The following MTA3 variants were observed in gnomAD, a reference collection of about 807,000 sequenced individuals.
MTA3 encodes the protein metastasis associated 1 family member 3.
In MTA3, 34 loss-of-function variants were observed where a neutral mutation model predicts 83.5. That is an observed-to-expected ratio of 0.41 (90% CI 0.31 to 0.54). The LOEUF (loss-of-function observed/expected upper bound fraction) is 0.54. MTA3 is among the 20% of genes least tolerant of loss of function. The pLI is 0.33. For missense variants in MTA3, 761 were observed against 726.4 expected (o/e 1.05, Z -0.55); for synonymous variants, 303 against 252.7 (o/e 1.20, Z -1.89).
intron 2 of MTA3, among the ~76,000 whole-genome samples, chr2:42,532,376 G>A (rs1358170022): frequency 6.6e-6 from 1 of 152,140 alleles, no homozygotes; most frequent in Non-Finnish European, 1.5e-5. Flanking sequence ...CAGGTGTCAT[G>A]GCGGGTGACT....
intron 3 of MTA3, among the ~76,000 whole-genome samples, chr2:42,600,154 C>T (rs1184953074): frequency 2.0e-5 from 3 of 152,048 alleles, no homozygotes; most frequent in Non-Finnish European, 2.9e-5. Context: ...GCCAAGGTCG[C>T]GCCACTGCAC....
chr2:42,747,146 C>G, intron 16 of MTA3, among the ~76,000 whole-genome samples: 1 of 152,108 alleles, frequency 6.6e-6, no homozygotes, highest in East Asian at 1.9e-4. Flanking sequence ...ACCACAGTCA[C>G]ATGCCACCAT....
intron 4 of MTA3, among the ~76,000 whole-genome samples, chr2:42,612,226 G>A (rs1005508699): frequency 6.6e-6 from 1 of 151,988 alleles, no homozygotes; most frequent in African/African-American, 2.4e-5. Context: ...ACTTTTTATC[G>A]ATTGACTGTG....
chr2:42,626,230 A>G (rs1686074404), intron 4 of MTA3, among the ~76,000 whole-genome samples: 2 of 150,122 alleles, frequency 1.3e-5, no homozygotes, highest in South Asian at 4.2e-4. Context: ...GGCGTGAACC[A>G]CCGTGCCCGG....
At chr2:42,507,141 T>C (rs1674670659) in intron 2 of MTA3, among the ~76,000 whole-genome samples, 1 of 152,138 alleles carries the variant, frequency 6.6e-6, no homozygotes, top group Non-Finnish European at 1.5e-5. Flanking sequence ...GCTCAAGCAA[T>C]CTTCCCACCT....
intron 3 of MTA3, among the ~76,000 whole-genome samples, chr2:42,604,043 C>G (rs1332114408): frequency 6.6e-6 from 1 of 152,110 alleles, no homozygotes; most frequent in Non-Finnish European, 1.5e-5. Context: ...GCCACCGCAC[C>G]CAGCTCTTTG....
chr2:42,686,078 C>T (rs906393362), intron 9 of MTA3, among the ~76,000 whole-genome samples: 1 of 152,120 alleles, frequency 6.6e-6, no homozygotes, highest in African/African-American at 2.4e-5. Context: ...GAGCACTGAG[C>T]AACTGTGTCA....
At chr2:42,529,322 G>T (rs1034830787) in intron 2 of MTA3, among the ~76,000 whole-genome samples, 2 of 152,052 alleles carry the variant, frequency 1.3e-5, no homozygotes, top group African/African-American at 2.4e-5. Flanking sequence ...TGGGAGCTTC[G>T]CAGGGCAGTG....
intron 16 of MTA3, among the ~76,000 whole-genome samples, chr2:42,745,490 G>A (rs1412545893): frequency 2.0e-5 from 3 of 152,158 alleles, no homozygotes; most frequent in African/African-American, 7.2e-5. Context: ...TATCATCTCT[G>A]TCTTTTTATT....
intron 8 of MTA3, among the ~76,000 whole-genome samples, chr2:42,664,526 T>C (rs1169271968): frequency 2.3e-5 from 3 of 127,880 alleles, no homozygotes; most frequent in Non-Finnish European, 4.7e-5. Context: ...CAGGCTGGAG[T>C]GCAGTGGCGT....
At chr2:42,744,530 C>G (rs979905806) in intron 16 of MTA3, among the ~76,000 whole-genome samples, 5 of 152,132 alleles carry the variant, frequency 3.3e-5, no homozygotes, top group African/African-American at 1.2e-4. Flanking sequence ...TAACCTGACC[C>G]TCTGTTCCCC....
At chr2:42,747,189 G>A (rs1205745660) in intron 16 of MTA3, among the ~76,000 whole-genome samples, 3 of 151,942 alleles carry the variant, frequency 2.0e-5, no homozygotes, top group Non-Finnish European at 4.4e-5. Flanking sequence ...TAGTAGAGAC[G>A]GGGTCTCGCC....
intron 2 of MTA3, among the ~76,000 whole-genome samples, chr2:42,544,487 T>C (rs1028536626): frequency 8.0e-5 from 12 of 149,610 alleles, no homozygotes; most frequent in African/African-American, 2.9e-4. Flanking sequence ...AAAAAAAACA[T>C]AGTTATAGTC....
intron 16 of MTA3, among the ~76,000 whole-genome samples, chr2:42,735,344 C>T (rs1038781562): frequency 3.9e-5 from 6 of 152,112 alleles, no homozygotes; most frequent in African/African-American, 1.4e-4. Flanking sequence ...CATATTGGAT[C>T]TCCTTTGTAT....
At chr2:42,660,646 G>A (rs1438139345) in intron 8 of MTA3, among the ~76,000 whole-genome samples, 1 of 152,128 alleles carries the variant, frequency 6.6e-6, no homozygotes, top group Non-Finnish European at 1.5e-5. Flanking sequence ...ACGGTAGGAT[G>A]CTCATTTTAC....
chr2:42,738,163 G>T (rs1249807353), intron 16 of MTA3, among the ~76,000 whole-genome samples: 1 of 152,186 alleles, frequency 6.6e-6, no homozygotes. Flanking sequence ...TCGGGAGGCT[G>T]AGGTGGGAGG....
chr2:42,740,288 A>C (rs970752330), intron 16 of MTA3, among the ~76,000 whole-genome samples: 6 of 152,246 alleles, frequency 3.9e-5, no homozygotes, highest in African/African-American at 1.4e-4. Flanking sequence ...AGACAGGTGG[A>C]TTGCTTGAGT....
intron 2 of MTA3, among the ~76,000 whole-genome samples, chr2:42,496,756 C>G (rs6740904): frequency 0.014 from 2,106 of 152,212 alleles, 34 homozygotes; most frequent in African/African-American, 0.048. Flanking sequence ...TCATGTCAAA[C>G]TCTGCTCACT....
chr2:42,704,735 G>A (rs78627030), intron 12 of MTA3, among the ~76,000 whole-genome samples: 2 of 152,308 alleles, frequency 1.3e-5, no homozygotes, highest in East Asian at 1.9e-4. Context: ...ATAAGCTGCT[G>A]TATATAATCC....
Sources: allele counts gnomAD v4.1 joint callset (sites outside exome capture counted in the v4.1 genomes callset), GRCh38; gene constraint gnomAD v4.1.1; transcripts MANE v1.5; gene names NCBI Gene and HGNC (gene_info 2026-07-23, HGNC 2026-07-21).